Variants in ROCK2 observed in about 807,000 individuals in gnomAD.
ROCK2 encodes the protein Rho associated coiled-coil containing protein kinase 2, also known as rho-associated protein kinase 2.
A neutral mutation model predicts 195.1 loss-of-function variants in ROCK2; 61 were observed. The observed-to-expected ratio is 0.31, with a 90% confidence interval of 0.25 to 0.39. The LOEUF is 0.39. Ranked by LOEUF, ROCK2 falls within the 10% of genes least tolerant of loss-of-function variation. The probability of loss-of-function intolerance (pLI) is 1.00; values close to 1 mark genes in which losing one functional copy is unlikely to be tolerated. For missense variants in ROCK2, 1,109 were observed against 1,637.4 expected (o/e 0.68, Z 5.57); for synonymous variants, 504 against 545.5 (o/e 0.92, Z 1.06).
rs1016476004 is a variant in ROCK2, at chr2:11,344,427, G to C, written c.-291C>G. The C allele has an allele frequency of 2.2e-5, 23 of 1,060,700 alleles. No individual in the cohort carries two copies. The highest frequency in any genetic ancestry group is 2.5e-5 in the Non-Finnish European group (22 of 879,776). 65.7% of individuals were successfully genotyped at this position (1,060,700 alleles called of 1,614,324 possible). ...CGCCGCCGGTCCGCTGGTCCTCAGCGAGTGCCCGCAGGAGTCCTCGGGCGG... is the reference window on the plus strand; with the variant it reads ...CGCCGCCGGTCCGCTGGTCCTCAGCCAGTGCCCGCAGGAGTCCTCGGGCGG... On this transcript the variant is annotated 5_prime_UTR_variant, in exon 1 of 33. Transcript: ENST00000315872. This position sits in a 1 kb window ranked among gnomAD's most constrained non-coding sequence, Gnocchi z 5.4.
intron 1 of ROCK2, among the ~76,000 whole-genome samples, chr2:11,301,190 C>A (rs1020865224): frequency 6.6e-6 from 1 of 152,058 alleles, no homozygotes; most frequent in Admixed American, 6.5e-5. Context: ...AAAAACTCCT[C>A]TTTTATGTAT....
chr2:11,300,322 ACGT>A lies in ROCK2; in HGVS notation c.142-12589_142-12587del, dbSNP rs1237442899. ...TTGTTGCCCAGGCTAGAGTGCAATG[ACGT>A]GATCTCAGCTCAATGCAATCTCCGC... On this transcript the variant is annotated intron_variant, in intron 1 of 32. Transcript: ENST00000315872. Among the ~76,000 whole-genome samples, 25 of 152,128 alleles carry A rather than the reference ACGT, an allele frequency of 1.6e-4. 1 individual carries two copies. Among genetic ancestry groups the A allele is most frequent in the Admixed American group, 1.6e-3 (25 of 15,268 alleles).
chr2:11,304,209 T>G (rs1434515955), intron 1 of ROCK2, among the ~76,000 whole-genome samples: 1 of 152,240 alleles, frequency 6.6e-6, no homozygotes, highest in Non-Finnish European at 1.5e-5. Context: ...CTATTTGCTA[T>G]TCATCAGCTT....
chr2:11,342,599 G>C (rs972364543), intron 1 of ROCK2, among the ~76,000 whole-genome samples: 1 of 152,152 alleles, frequency 6.6e-6, no homozygotes, highest in African/African-American at 2.4e-5. Flanking sequence ...AGTTTTGCTA[G>C]CAAAATACCA....
upstream of ROCK2, among the ~76,000 whole-genome samples, chr2:11,345,030 G>T (rs1471762548): frequency 8.0e-5 from 12 of 150,888 alleles, no homozygotes; most frequent in Admixed American, 1.3e-4. Context: ...GCCCGGCCGC[G>T]CCCCCCGCCG....
intron 1 of ROCK2, among the ~76,000 whole-genome samples, chr2:11,332,299 T>C (rs1251091862): frequency 6.6e-6 from 1 of 152,184 alleles, no homozygotes; most frequent in Non-Finnish European, 1.5e-5. Context: ...ATCAGTAGGA[T>C]AATTCCACAT....
At chr2:11,273,122 C>T (rs1488306378) in intron 3 of ROCK2, among the ~76,000 whole-genome samples, 1 of 73,370 alleles carries the variant, frequency 1.4e-5, no homozygotes, top group East Asian at 4.6e-4. Flanking sequence ...AAAAGCTTTA[C>T]AACATATAGA....
At chr2:11,206,458 A>G (rs994770071) in intron 20 of ROCK2, among the ~76,000 whole-genome samples, 2 of 152,026 alleles carry the variant, frequency 1.3e-5, no homozygotes, top group Admixed American at 6.5e-5. Flanking sequence ...TAATATACAG[A>G]AAAAAAACCC....
At chr2:11,253,704 A>G (rs916634959) in intron 3 of ROCK2, among the ~76,000 whole-genome samples, 1 of 152,264 alleles carries the variant, frequency 6.6e-6, no homozygotes. Context: ...GCACTCACTA[A>G]ATATTTAATG....
Position 11,344,316 on chromosome 2 carries a change from C to CGCCCGGCCCA in ROCK2, c.-190_-181dup, listed in dbSNP as rs1172971292. 1.0e-4 allele frequency: 122 copies of CGCCCGGCCCA among 1,187,786 alleles called. No homozygotes were observed. Among genetic ancestry groups the CGCCCGGCCCA allele is most frequent in the African/African-American group, 9.3e-4 (58 of 62,216 alleles). 73.6% of individuals were successfully genotyped at this position (1,187,786 alleles called of 1,614,324 possible). A position where few individuals can be genotyped will look rare whatever the true frequency, so the allele number is the denominator to read the frequency against. On this transcript the variant is annotated 5_prime_UTR_variant, in exon 1 of 33. Coordinates refer to ENST00000315872, the MANE Select transcript of ROCK2 (RefSeq NM_004850.5). This position sits in a 1 kb window ranked among gnomAD's most constrained non-coding sequence, Gnocchi z 5.4. ...CGCCTGGGGGCTGCTCCCAGGGGCC[C>CGCCCGGCCCA]GCCCGGCCCAGCCCGGCCCAGCCCG...
chr2:11,275,257 C>CA lies in ROCK2; in HGVS notation c.324+11281dup, dbSNP rs71393869. On this transcript the variant is annotated intron_variant, in intron 3 of 32. Coordinates refer to ENST00000315872, the MANE Select transcript of ROCK2 (RefSeq NM_004850.5). ...GGGGGACAACAGCGAGACTTCATGT[C>CA]AAAAAAAAAAAAAAAAGAATTATAA... 9.2e-3 allele frequency among the ~76,000 whole-genome samples: 1,014 copies of CA among 110,500 alleles called. 8 individuals carry two copies. Among genetic ancestry groups the CA allele is most frequent in the Non-Finnish European group, 0.014 (705 of 50,500 alleles). The allele number at this position is 110,500 out of a possible 152,430, so 72.5% of individuals were successfully genotyped here.
chr2:11,317,627 T>TTTTTTTTTTAA (rs1192587957), intron 1 of ROCK2, among the ~76,000 whole-genome samples: 1 of 31,424 alleles, frequency 3.2e-5, no homozygotes. Flanking sequence ...TTTTTTTTTT[T>TTTTTTTTTTAA]AATTATACTT....
chr2:11,183,481 A>G, intron 32 of ROCK2, 41 bp from the exon 33 acceptor site: 1 of 1,462,264 alleles, frequency 6.8e-7, no homozygotes, highest in South Asian at 1.2e-5. Context: ...ATACAGTGAA[A>G]TAATTTAAGA....
chr2:11,209,941 T>C (rs147043819), intron 18 of ROCK2, among the ~76,000 whole-genome samples: 4 of 152,362 alleles, frequency 2.6e-5, no homozygotes, highest in East Asian at 1.9e-4. Context: ...ATACTGTAAT[T>C]GTCCCTTCAC....
intron 1 of ROCK2, among the ~76,000 whole-genome samples, chr2:11,325,303 A>AGGGGTCTT (rs1450062298): frequency 6.6e-6 from 1 of 152,236 alleles, no homozygotes; most frequent in African/African-American, 2.4e-5. Context: ...TGGTATCCAC[A>AGGGGTCTT]GGGGTCTTGG....
intron 1 of ROCK2, among the ~76,000 whole-genome samples, chr2:11,302,691 T>C (rs188724636): frequency 1.3e-5 from 2 of 152,324 alleles, no homozygotes; most frequent in East Asian, 1.9e-4. Flanking sequence ...AAAATACACA[T>C]TGGATTTCAA....
At chr2:11,204,478 C>T (rs985570888) in intron 20 of ROCK2, among the ~76,000 whole-genome samples, 1 of 152,128 alleles carries the variant, frequency 6.6e-6, no homozygotes, top group East Asian at 1.9e-4. Flanking sequence ...ATTTCTCCTT[C>T]AGCTAGGGGA....
intron 3 of ROCK2, among the ~76,000 whole-genome samples, chr2:11,266,587 A>C (rs1666422294): frequency 6.6e-6 from 1 of 152,220 alleles, no homozygotes; most frequent in African/African-American, 2.4e-5. Flanking sequence ...AAAAGGACAA[A>C]TTTGCACCAA....
intron 4 of ROCK2, among the ~76,000 whole-genome samples, chr2:11,242,480 C>G (rs181079499): frequency 6.6e-6 from 1 of 152,018 alleles, no homozygotes; most frequent in African/African-American, 2.4e-5. Context: ...AGAGGAGGGA[C>G]GGGATTCTAC....
Sources: allele counts gnomAD v4.1 joint callset (sites outside exome capture counted in the v4.1 genomes callset), GRCh38; gene constraint gnomAD v4.1.1; non-coding constraint Gnocchi (gnomAD v3.1); transcripts MANE v1.5; gene names NCBI Gene and HGNC (gene_info 2026-07-23, HGNC 2026-07-21).